Variants in SH3BP2 observed in about 807,000 individuals in gnomAD.
SH3BP2 encodes the protein SH3 domain-binding protein 2.
In SH3BP2, 38 loss-of-function variants were observed where a neutral mutation model predicts 56.2. That is an observed-to-expected ratio of 0.68 (90% CI 0.52 to 0.89). SH3BP2 has a LOEUF of 0.89. Among genes scored for constraint, SH3BP2 ranks in the 40% least tolerant of loss-of-function variants. The pLI is 0.00. For missense variants in SH3BP2, 748 were observed against 762.6 expected (o/e 0.98, Z 0.23); for synonymous variants, 346 against 316.7 (o/e 1.09, Z -0.98).
intron 5 of SH3BP2, 62 bp from the exon 6 acceptor site, chr4:2,827,168 A>T (rs750179273): frequency 5.3e-6 from 7 of 1,332,672 alleles, no homozygotes; most frequent in African/African-American, 1.4e-5. Flanking sequence ...CCTTTGTGTG[A>T]GCATCAAGGG....
At chr4:2,814,315 C>T (rs772898932) in intron 1 of SH3BP2, among the ~76,000 whole-genome samples, 5 of 152,170 alleles carry the variant, frequency 3.3e-5, no homozygotes, top group Admixed American at 1.3e-4. Flanking sequence ...AAATGGAACC[C>T]GATGGGGTGT....
chr4:2,829,785 A>T lies in SH3BP2; in HGVS notation c.879A>T (p.Lys293Asn). The T allele has an allele frequency of 6.2e-7, 1 of 1,612,498 alleles. No individual in the cohort carries two copies. The highest frequency in any genetic ancestry group is 8.5e-7 in the Non-Finnish European group (1 of 1,179,738). Residue 293 changes from lysine (K) to asparagine (N), a missense_variant, in exon 8 of 13, where the codon AAA becomes AAT. This residue lies in a region of SH3BP2 where 635 missense variants were observed against 615.0 expected (regional missense o/e 1.03). Coordinates refer to ENST00000503393, the MANE Select transcript of SH3BP2 (RefSeq NM_001122681.2). This position sits in a 1 kb window ranked among gnomAD's most constrained non-coding sequence, Gnocchi z 4.9. ...STMPTAPGLR[K>N]PPCFRESASP... ...TGCCCACCGCACCCGGCCTCCGGAA[A>T]CCCCCTTGCTTCCGGGAGAGTGCCA...
rs745563984 is a variant in SH3BP2, at chr4:2,830,098, C to T, written c.1192C>T (p.Arg398Trp). 44 of 1,606,898 alleles carry T rather than the reference C, an allele frequency of 2.7e-5. No homozygotes were observed. Among genetic ancestry groups the T allele is most frequent in the Middle Eastern group, 3.3e-4 (2 of 6,044 alleles). Residue 398 changes from arginine to tryptophan, a missense_variant, in exon 8 of 13, where the codon CGG (arginine) becomes TGG (tryptophan). By Grantham distance (101) the Arg-to-Trp change is moderately radical. This residue lies in a region of SH3BP2 where 635 missense variants were observed against 615.0 expected (regional missense o/e 1.03). Transcript: ENST00000503393. ...LKLPVPEAMA[R>W]PAVLPRPEKP... is the part of the protein sequence containing the mutation. ...GCTGCCAGTGCCTGAGGCCATGGCG[C>T]GGCCCGCAGTCCTGCCCAGGCCAGA...
At chr4:2,805,362 C>T (rs1298860994) in intron 1 of SH3BP2, among the ~76,000 whole-genome samples, 5 of 152,182 alleles carry the variant, frequency 3.3e-5, no homozygotes, top group African/African-American at 7.2e-5. Context: ...GGTGCAGAGC[C>T]CCTGGAGTGC....
In SH3BP2 at chr4:2,835,529, A is replaced by T. The variant is rs1009211415; in HGVS notation, c.*1695A>T. Reference sequence around the variant, plus strand: ...AAAACCAGCCATTCCTCCTCCCTGCAGTCAGAATTCTTTGCCCTGTCTGAC... The same window carrying T: ...AAAACCAGCCATTCCTCCTCCCTGCTGTCAGAATTCTTTGCCCTGTCTGAC... On this transcript the variant is annotated 3_prime_UTR_variant, in exon 13 of 13. Coordinates refer to ENST00000503393, the MANE Select transcript of SH3BP2 (RefSeq NM_001122681.2). 5.3e-5 allele frequency: 8 copies of T among 152,288 alleles called. No individual in the cohort carries two copies. Among genetic ancestry groups the T allele is most frequent in the African/African-American group, 1.9e-4 (8 of 41,454 alleles). The allele number at this position is 152,288 out of a possible 1,614,324, so 9.4% of individuals were successfully genotyped here.
intron 1 of SH3BP2, chr4:2,818,443 G>A (rs1177145308): frequency 2.0e-5 from 20 of 1,001,008 alleles, no homozygotes; most frequent in Admixed American, 4.8e-5. Context: ...GCGAGCTTCC[G>A]GCTCTGGACC....
At chr4:2,817,154 G>A (rs1724034491) in intron 1 of SH3BP2, among the ~76,000 whole-genome samples, 1 of 152,272 alleles carries the variant, frequency 6.6e-6, no homozygotes, top group East Asian at 1.9e-4. Flanking sequence ...GAGGGCAGGA[G>A]TGGCTGAATC....
rs1723701730 is a variant in SH3BP2 at position 2,810,495 on chromosome 4, C to G, written c.-4-10119C>G. Among the ~76,000 whole-genome samples, 1 of 151,904 alleles carries G rather than the reference C, an allele frequency of 6.6e-6. No homozygotes were observed. The highest frequency in any genetic ancestry group is 2.1e-4 in the South Asian group (1 of 4,822). ...CCAGCTCAGGCCTTGTCCGCTCTTG[C>G]ATTTGCCTGCCCAGTAAGGGGTGGC... is the stretch of plus-strand genomic sequence containing the variant. On this transcript the variant is annotated intron_variant, in intron 1 of 12. Transcript: ENST00000503393. This position sits in a 1 kb window ranked among gnomAD's most constrained non-coding sequence, Gnocchi z 4.2.
At chr4:2,805,683 G>A (rs954701703) in intron 1 of SH3BP2, among the ~76,000 whole-genome samples, 9 of 152,206 alleles carry the variant, frequency 5.9e-5, no homozygotes, top group Admixed American at 3.3e-4. Context: ...GGGGGGTGCC[G>A]GGTGGGGGCT....
At chr4:2,825,314 T>C (rs1724545961) in intron 5 of SH3BP2, 118 bp downstream of exon 5, 5 of 826,852 alleles carry the variant, frequency 6.0e-6, no homozygotes, top group Middle Eastern at 2.7e-4. Flanking sequence ...AAAGGTTTCC[T>C]GGAGGTGCCA....
rs766907808 is a variant in SH3BP2, at chr4:2,827,587, C to A, written c.518-19C>A. 6 of 1,577,904 alleles carry A rather than the reference C, an allele frequency of 3.8e-6. No homozygotes were observed. Among genetic ancestry groups the A allele is most frequent in the South Asian group, 1.2e-5 (1 of 86,388 alleles). ...GCCTGGGCCGGTTTGGCTCTCACCA[C>A]CCCCCTCTCCCCATGCAGACTATGA... On this transcript the variant is annotated intron_variant, in intron 6 of 12. Coordinates refer to ENST00000503393, the MANE Select transcript of SH3BP2 (RefSeq NM_001122681.2).
chr4:2,824,463 C>T (rs1033980574), intron 3 of SH3BP2, 150 bp from the exon 4 acceptor site: 15 of 675,400 alleles, frequency 2.2e-5, no homozygotes, highest in Middle Eastern at 3.0e-4. Context: ...AAGCTCACTA[C>T]TGGGAGCATC....
intron 1 of SH3BP2, chr4:2,796,562 GA>G: frequency 1.4e-6 from 1 of 698,718 alleles, no homozygotes; most frequent in Non-Finnish European, 1.8e-6. Context: ...CGGCCACCTG[GA>G]GCAGTTGCCT....
At chr4:2,827,847 T>G (rs1724758577) in intron 7 of SH3BP2, among the ~76,000 whole-genome samples, 173 bp downstream of exon 7, 1 of 152,142 alleles carries the variant, frequency 6.6e-6, no homozygotes, top group Non-Finnish European at 1.5e-5. Flanking sequence ...GAGGTGTAGC[T>G]GCTGCCACCT....
chr4:2,797,726 A>C (rs947257629), intron 1 of SH3BP2, among the ~76,000 whole-genome samples: 3 of 151,470 alleles, frequency 2.0e-5, no homozygotes, highest in Non-Finnish European at 4.4e-5. Flanking sequence ...CTGCTTGGGA[A>C]CTCAGGAAGG....
rs1725269821 is a variant in SH3BP2, at chr4:2,837,327, C to T, written c.*3493C>T. 2 of 152,284 alleles carry T rather than the reference C, an allele frequency of 1.3e-5. No individual in the cohort carries two copies. Among genetic ancestry groups the T allele is most frequent in the South Asian group, 4.1e-4 (2 of 4,832 alleles). The allele number at this position is 152,284 out of a possible 1,614,324, so 9.4% of individuals were successfully genotyped here. ...ACAGGCGCGAGCCACGGCGCCCAGCCTTGAAAAGATGTTTTTAGAACCAGA... is the reference window on the plus strand; with the variant it reads ...ACAGGCGCGAGCCACGGCGCCCAGCTTTGAAAAGATGTTTTTAGAACCAGA... On this transcript the variant is annotated 3_prime_UTR_variant, in exon 13 of 13. Transcript: ENST00000503393.
At chr4:2,798,025 C>T (rs984209815) in intron 1 of SH3BP2, among the ~76,000 whole-genome samples, 1 of 152,198 alleles carries the variant, frequency 6.6e-6, no homozygotes, top group South Asian at 2.1e-4. Context: ...TGGTCTCCCA[C>T]GAAACTCTTC....
intron 1 of SH3BP2, among the ~76,000 whole-genome samples, chr4:2,794,938 C>T (rs231334): frequency 0.36 from 55,345 of 151,996 alleles, 11,272 homozygotes; most frequent in East Asian, 0.51. Context: ...GGAGGAAGGG[C>T]GCAAACTCAG....
Position 2,801,231 on chromosome 4 carries a change from T to A in SH3BP2, c.-5+8093T>A, listed in dbSNP as rs1002509737. Among the ~76,000 whole-genome samples the A allele has an allele frequency of 5.3e-5, 8 of 152,168 alleles. 1 individual carries two copies. Among genetic ancestry groups the A allele is most frequent in the Admixed American group, 2.0e-4 (3 of 15,280 alleles). On this transcript the variant is annotated intron_variant, in intron 1 of 12. Coordinates refer to ENST00000503393, the MANE Select transcript of SH3BP2 (RefSeq NM_001122681.2). ...GACCCTTGTCCTCACTGGGCCTCTCTGAACAGTGGAGCGTTGTGAGGGGCC... is the reference window on the plus strand; with the variant it reads ...GACCCTTGTCCTCACTGGGCCTCTCAGAACAGTGGAGCGTTGTGAGGGGCC...
Sources: gnomAD v4.1 joint callset for allele counts (sites outside exome capture counted in the v4.1 genomes callset) on GRCh38, gnomAD v4.1.1 for gene constraint, gnomAD v4.1.1 regional missense constraint, Gnocchi (gnomAD v3.1) non-coding constraint, MANE v1.5 for transcripts, NCBI Gene and HGNC (gene_info 2026-07-23, HGNC 2026-07-21) for gene names.